Variants in RELN observed in about 807,000 individuals in gnomAD.
RELN encodes reelin.
A neutral mutation model predicts 427.6 loss-of-function variants in RELN; 108 were observed. That is an observed-to-expected ratio of 0.25 (90% CI 0.22 to 0.30). The LOEUF (loss-of-function observed/expected upper bound fraction) is 0.30, where lower values mean the gene tolerates loss of function less well. Among genes scored for constraint, RELN ranks in the 10% least tolerant of loss-of-function variants. The pLI, the probability that RELN is intolerant of heterozygous loss-of-function variation, is 1.00. For missense variants in RELN, 3,715 were observed against 4,302.8 expected, an observed-to-expected ratio of 0.86 and a Z score of 3.82; for synonymous variants, 1,524 against 1,513.4, an observed-to-expected ratio of 1.01 and a Z score of -0.16.
At chr7:103,579,062 G>C (rs1339616515) in intron 28 of RELN, among the ~76,000 whole-genome samples, 1 of 152,192 alleles carries the variant, frequency 6.6e-6, no homozygotes, top group Non-Finnish European at 1.5e-5. Flanking sequence ...GCTAACGCTA[G>C]TAATACCATG....
At chr7:103,490,942 C>A (rs1828629306) in intron 58 of RELN, 113 bp from the exon 59 acceptor site, 1 of 992,044 alleles carries the variant, frequency 1.0e-6, no homozygotes, top group Non-Finnish European at 1.5e-6. Context: ...ATAGGAGTTT[C>A]CTGTTTTCTA....
intron 1 of RELN, among the ~76,000 whole-genome samples, chr7:103,923,163 C>T (rs1795652776): frequency 6.6e-6 from 1 of 152,100 alleles, no homozygotes; most frequent in African/African-American, 2.4e-5. Flanking sequence ...ACAAATTAAA[C>T]AGCCTAAGGA....
At chr7:103,753,406 T>A (rs1441230772) in intron 4 of RELN, among the ~76,000 whole-genome samples, 192 bp from the exon 5 acceptor site, 1 of 152,238 alleles carries the variant, frequency 6.6e-6, no homozygotes, top group Non-Finnish European at 1.5e-5. Flanking sequence ...TGATCTTGTA[T>A]TTTGTGCCAA....
chr7:103,800,589 T>A (rs111878412), intron 3 of RELN, among the ~76,000 whole-genome samples: 37,518 of 152,012 alleles, frequency 0.25, 4,680 homozygotes, highest in East Asian at 0.35. Context: ...TCAAGATGGA[T>A]TAAAGACTTA....
At chr7:103,483,616 G>C (rs781199064) in intron 62 of RELN, 37 bp downstream of exon 62, 2 of 1,595,390 alleles carry the variant, frequency 1.3e-6, no homozygotes. Context: ...CAAAGGGATT[G>C]TGCATGAGAC....
intron 4 of RELN, among the ~76,000 whole-genome samples, chr7:103,761,231 G>A (rs1791290828): frequency 6.6e-6 from 1 of 152,132 alleles, no homozygotes; most frequent in African/African-American, 2.4e-5. Flanking sequence ...CTAGGAGATA[G>A]AGAACTCTTT....
At chr7:103,952,207 G>C (rs1796346839) in intron 1 of RELN, among the ~76,000 whole-genome samples, 1 of 152,112 alleles carries the variant, frequency 6.6e-6, no homozygotes. Flanking sequence ...ATTATTTGGT[G>C]AACTGTAAGG....
chr7:103,815,835 G>T (rs998646524), intron 3 of RELN, among the ~76,000 whole-genome samples: 7 of 152,162 alleles, frequency 4.6e-5, no homozygotes, highest in Non-Finnish European at 1.0e-4. Flanking sequence ...TTGCTGTGCT[G>T]AAAAGCTCTG....
At chr7:103,863,074 A>G (rs1794108559) in intron 2 of RELN, among the ~76,000 whole-genome samples, 1 of 152,160 alleles carries the variant, frequency 6.6e-6, no homozygotes, top group African/African-American at 2.4e-5. Context: ...TCAGTCATCT[A>G]CTATTAAGAC....
At chr7:103,671,645 T>C (rs1050616955) in intron 11 of RELN, among the ~76,000 whole-genome samples, 1 of 152,172 alleles carries the variant, frequency 6.6e-6, no homozygotes, top group Non-Finnish European at 1.5e-5. Flanking sequence ...ACTTTTTTCA[T>C]GCTATAATTA....
At chr7:103,616,669 C>CT (rs80056123) in intron 20 of RELN, among the ~76,000 whole-genome samples, 25 of 151,886 alleles carry the variant, frequency 1.6e-4, no homozygotes, top group Middle Eastern at 3.4e-3. Flanking sequence ...CACACACATA[C>CT]TTTTTTTTAA....
intron 2 of RELN, among the ~76,000 whole-genome samples, chr7:103,882,470 T>G (rs1309739380): frequency 6.6e-6 from 1 of 152,142 alleles, no homozygotes; most frequent in Non-Finnish European, 1.5e-5. Context: ...TTTTTTTTAT[T>G]TTTTGTATTT....
rs376597110 is a variant in RELN, at chr7:103,896,896, A to T, written c.337+20179T>A. On this transcript the variant is annotated intron_variant, in intron 2 of 64. Coordinates refer to ENST00000428762, the MANE Select transcript of RELN (RefSeq NM_005045.4). Reference sequence around the variant, plus strand: ...GTCTGTTCTCATGCTGCTAATAAAGACATACCTGAGACTGCATAACTTTTA... The same window carrying T: ...GTCTGTTCTCATGCTGCTAATAAAGTCATACCTGAGACTGCATAACTTTTA... Among the ~76,000 whole-genome samples, 27 of 152,240 alleles carry T rather than the reference A, an allele frequency of 1.8e-4. No homozygotes were observed. In the East Asian group the frequency reaches 5.0e-3, roughly 28 times the overall value.
In RELN at chr7:103,498,280, TAAAA is replaced by T. The variant is rs745709647; in HGVS notation, c.8668-32_8668-29del. ...GGAAATAAAATAAGCCAGATGTGGT[TAAAA>T]AAACAATTTCAGATAACTATGGAAT... On this transcript the variant is annotated intron_variant, in intron 53 of 64. Coordinates refer to ENST00000428762, the MANE Select transcript of RELN (RefSeq NM_005045.4). 0.13 allele frequency: 207,730 copies of T among 1,600,952 alleles called. 15,299 individuals carry two copies. Among genetic ancestry groups the T allele is most frequent in the Non-Finnish European group, 0.15 (175,008 of 1,168,256 alleles).
At chr7:103,817,937 C>CAAAAAAAAAAA (rs71154371) in intron 3 of RELN, among the ~76,000 whole-genome samples, 5 of 36,010 alleles carry the variant, frequency 1.4e-4, no homozygotes, top group Admixed American at 1.3e-3. Context: ...GACTCCATCT[C>CAAAAAAAAAAA]AAAAAAAAAA....
intron 2 of RELN, among the ~76,000 whole-genome samples, chr7:103,901,994 A>T (rs978914205): frequency 2.0e-5 from 3 of 152,074 alleles, no homozygotes; most frequent in African/African-American, 7.2e-5. Flanking sequence ...TGTGAGACTT[A>T]TTAATATATC....
At chr7:103,655,326 C>A (rs1472301407) in intron 12 of RELN, among the ~76,000 whole-genome samples, 4 of 152,002 alleles carry the variant, frequency 2.6e-5, no homozygotes, top group Non-Finnish European at 4.4e-5. Flanking sequence ...ACTTCTTTTT[C>A]TTTTATTACT....
intron 1 of RELN, among the ~76,000 whole-genome samples, chr7:103,956,198 ACATT>A (rs1285355514): frequency 2.6e-5 from 4 of 152,170 alleles, no homozygotes; most frequent in Non-Finnish European, 4.4e-5. Context: ...TCACTAGGGC[ACATT>A]CAAAGGTTCA....
At chr7:103,506,612 A>C (rs112066948) in intron 51 of RELN, among the ~76,000 whole-genome samples, 2 of 150,742 alleles carry the variant, frequency 1.3e-5, no homozygotes, top group African/African-American at 4.9e-5. Flanking sequence ...AAAACATACC[A>C]AATTGTAAAG....
Sources: allele counts gnomAD v4.1 joint callset (sites outside exome capture counted in the v4.1 genomes callset), GRCh38; gene constraint gnomAD v4.1.1; transcripts MANE v1.5; gene names NCBI Gene and HGNC (gene_info 2026-07-23, HGNC 2026-07-21).